The following RBFOX3 variants were observed in gnomAD, a reference collection of about 807,000 sequenced individuals.
RBFOX3 encodes RNA binding fox-1 homolog 3.
In RBFOX3, 17 loss-of-function variants were observed where a neutral mutation model predicts 48.7. The ratio of observed to expected loss-of-function variants is 0.35; its 90% CI spans 0.24 to 0.52. The LOEUF is 0.52. Among genes scored for constraint, RBFOX3 ranks in the 20% least tolerant of loss-of-function variants. RBFOX3 has a pLI of 0.94. For synonymous variants in RBFOX3, 212 were observed against 209.5 expected, an observed-to-expected ratio of 1.01 and a Z score of -0.10; for missense variants, 382 against 497.5, an observed-to-expected ratio of 0.77 and a Z score of 2.21.
chr17:79,522,872 G>C (rs2086294303), intron 1 of RBFOX3, among the ~76,000 whole-genome samples: 1 of 145,656 alleles, frequency 6.9e-6, no homozygotes, highest in African/African-American at 2.5e-5. Context: ...GGAGGCTGCA[G>C]TGAGCCAAGA....
intron 10 of RBFOX3, 130 bp downstream of exon 10, chr17:79,097,562 C>A (rs2075593724): frequency 2.2e-6 from 3 of 1,343,956 alleles, no homozygotes; most frequent in South Asian, 1.5e-5. Flanking sequence ...GCTACTCAGT[C>A]AACACGGCGA....
chr17:79,100,261 GT>G (rs2076166999), intron 9 of RBFOX3: 1 of 152,236 alleles, frequency 6.6e-6, no homozygotes, highest in Non-Finnish European at 1.5e-5. Context: ...AGCCCCGCTG[GT>G]TGATCACCTG....
At chr17:79,655,859 C>T in the RBFOX3 span, among the ~76,000 whole-genome samples, 9 of 152,194 alleles carry the variant, frequency 5.9e-5, no homozygotes, top group South Asian at 2.1e-4. Flanking sequence ...ACCAGTCACA[C>T]TCATGGGAGA....
upstream of RBFOX3, among the ~76,000 whole-genome samples, chr17:79,614,038 G>A (rs1462047846): frequency 6.6e-6 from 1 of 152,246 alleles, no homozygotes; most frequent in Non-Finnish European, 1.5e-5. Flanking sequence ...GGAGAAAAGA[G>A]AACAGTAGCC....
chr17:79,611,376 G>C (rs975855037), upstream of RBFOX3, among the ~76,000 whole-genome samples: 2 of 151,674 alleles, frequency 1.3e-5, no homozygotes, highest in African/African-American at 2.4e-5. Context: ...AGCCATGACC[G>C]GGTGGGCTTC....
chr17:79,557,727 A>G (rs1311234461), intron 1 of RBFOX3, among the ~76,000 whole-genome samples: 3 of 152,206 alleles, frequency 2.0e-5, no homozygotes, highest in Non-Finnish European at 4.4e-5. Context: ...GACAGCCATA[A>G]ACAAAGGCTA....
intron 3 of RBFOX3, among the ~76,000 whole-genome samples, chr17:79,302,588 G>A (rs2075488954): frequency 6.6e-6 from 1 of 152,124 alleles, no homozygotes; most frequent in South Asian, 2.1e-4. Context: ...GGCTGAAGCA[G>A]GAGAATCAGT....
At chr17:79,509,765 C>T (rs1184176513) in intron 1 of RBFOX3, among the ~76,000 whole-genome samples, 2 of 152,060 alleles carry the variant, frequency 1.3e-5, no homozygotes, top group Admixed American at 1.3e-4. Flanking sequence ...GCTGGGAGCT[C>T]CGGGCTGTGC....
intron 1 of RBFOX3, among the ~76,000 whole-genome samples, chr17:79,565,552 G>T (rs1030929622): frequency 0.011 from 1,657 of 152,144 alleles, 38 homozygotes; most frequent in African/African-American, 0.039. Flanking sequence ...TGTTGGTCAG[G>T]CTGGTCTCGA....
intron 1 of RBFOX3, among the ~76,000 whole-genome samples, chr17:79,506,425 T>C (rs2083132447): frequency 6.6e-6 from 1 of 152,168 alleles, no homozygotes; most frequent in African/African-American, 2.4e-5. Context: ...CATCTGTCTG[T>C]TGTGGGGAGC....
chr17:79,520,345 C>T (rs1202544515), intron 1 of RBFOX3, among the ~76,000 whole-genome samples: 1 of 152,232 alleles, frequency 6.6e-6, no homozygotes, highest in African/African-American at 2.4e-5. Flanking sequence ...TGCCAACCTG[C>T]ATCTCCGGGG....
chr17:79,303,878 T>TGC (rs2075712974), intron 3 of RBFOX3, among the ~76,000 whole-genome samples: 1 of 147,738 alleles, frequency 6.8e-6, no homozygotes, highest in Non-Finnish European at 1.5e-5. Flanking sequence ...TGTGTGTGTG[T>TGC]GCATGTGTGT....
At chr17:79,285,407 T>C (rs2071626039) in intron 3 of RBFOX3, among the ~76,000 whole-genome samples, 1 of 152,256 alleles carries the variant, frequency 6.6e-6, no homozygotes, top group Non-Finnish European at 1.5e-5. Flanking sequence ...CATATATTCC[T>C]GCTCATTTAC....
intron 1 of RBFOX3, among the ~76,000 whole-genome samples, chr17:79,517,798 C>T (rs1043978246): frequency 1.3e-5 from 2 of 152,190 alleles, no homozygotes; most frequent in Non-Finnish European, 2.9e-5. Context: ...ATTTCCGCTT[C>T]TGAGACACAT....
chr17:79,358,353 C>T (rs9914898), intron 2 of RBFOX3, among the ~76,000 whole-genome samples: 149,127 of 152,362 alleles, frequency 0.98, 73,069 homozygotes, highest in East Asian at 1. Flanking sequence ...ATGCTCACGC[C>T]GTGGGGAGAC....
chr17:79,388,223 T>C (rs2060850943), intron 2 of RBFOX3, among the ~76,000 whole-genome samples: 1 of 152,200 alleles, frequency 6.6e-6, no homozygotes, highest in South Asian at 2.1e-4. Flanking sequence ...ATGTGCTCCA[T>C]GGGCTGTGAC....
chr17:79,312,002 C>T (rs2076921412), intron 2 of RBFOX3, among the ~76,000 whole-genome samples: 1 of 152,224 alleles, frequency 6.6e-6, no homozygotes, highest in Non-Finnish European at 1.5e-5. Flanking sequence ...GGCATCTGCC[C>T]TCTCCCTTCT....
chr17:79,094,109 G>T (rs1041057171), intron 14 of RBFOX3: 2 of 381,720 alleles, frequency 5.2e-6, no homozygotes, highest in Non-Finnish European at 9.3e-6. Context: ...GCCCTGGTTT[G>T]GTTTCTGAGG....
intron 12 of RBFOX3, 102 bp from the exon 13 acceptor site, chr17:79,095,676 T>A: frequency 9.7e-7 from 1 of 1,032,852 alleles, no homozygotes; most frequent in Non-Finnish European, 1.4e-6. Context: ...GGTGGGGCCC[T>A]GGGAGGGACT....
Sources: gnomAD v4.1 joint callset for allele counts (sites outside exome capture counted in the v4.1 genomes callset) on GRCh38, gnomAD v4.1.1 for gene constraint, MANE v1.5 for transcripts, NCBI Gene and HGNC (gene_info 2026-07-23, HGNC 2026-07-21) for gene names.